CENPW: variants seen among roughly 807,000 people sequenced by gnomAD.
The protein encoded by CENPW is cancer-up-regulated gene 2 protein.
A neutral mutation model predicts 11.1 loss-of-function variants in CENPW; 3 were observed. That is an observed-to-expected ratio of 0.27 (90% CI 0.12 to 0.70). CENPW has a LOEUF of 0.70. CENPW is among the 30% of genes least tolerant of loss of function. The pLI is 0.77. For missense variants in CENPW, 100 were observed against 105.6 expected (o/e 0.95, Z 0.23); for synonymous variants, 38 against 42.0 (o/e 0.91, Z 0.37).
chr6:126,478,934 G>A, the CENPW span, among the ~76,000 whole-genome samples: 3 of 151,982 alleles, frequency 2.0e-5, no homozygotes, highest in African/African-American at 7.2e-5. Context: ...ATTCATTTGT[G>A]AAGAAAGGCC....
the CENPW span, among the ~76,000 whole-genome samples, chr6:126,406,445 TA>T: frequency 3.3e-5 from 5 of 152,324 alleles, no homozygotes; most frequent in South Asian, 1.0e-3. Context: ...TTTCTTTTTT[TA>T]AAATTTGGTT....
At chr6:126,476,543 A>G in the CENPW span, among the ~76,000 whole-genome samples, 1 of 151,902 alleles carries the variant, frequency 6.6e-6, no homozygotes, top group Non-Finnish European at 1.5e-5. Context: ...ATGTCCTTTT[A>G]CTAGAGGAGT....
At chr6:126,373,510 C>T in the CENPW span, among the ~76,000 whole-genome samples, 1 of 152,080 alleles carries the variant, frequency 6.6e-6, no homozygotes, top group African/African-American at 2.4e-5. Flanking sequence ...GCAAGTATTT[C>T]TCATGATTCT....
At chr6:126,345,495 C>T (rs562064937) in intron 1 of CENPW, among the ~76,000 whole-genome samples, 13 of 152,052 alleles carry the variant, frequency 8.5e-5, no homozygotes, top group East Asian at 7.7e-4. Context: ...AAATAGTACA[C>T]GGTTTCCGTG....
At chr6:126,418,452 C>T in the CENPW span, among the ~76,000 whole-genome samples, 9 of 151,988 alleles carry the variant, frequency 5.9e-5, no homozygotes, top group East Asian at 3.9e-4. Context: ...AGCAAAACTA[C>T]GAAGACAATA....
the CENPW span, among the ~76,000 whole-genome samples, chr6:126,427,605 G>C: frequency 6.6e-6 from 1 of 152,086 alleles, no homozygotes; most frequent in Non-Finnish European, 1.5e-5. Flanking sequence ...CAACAAGAAA[G>C]TTTCAGATCA....
the CENPW span, among the ~76,000 whole-genome samples, chr6:126,441,513 G>C: frequency 6.6e-6 from 1 of 151,450 alleles, no homozygotes; most frequent in Non-Finnish European, 1.5e-5. Context: ...TTGGTTACAT[G>C]AATAAGTTTA....
At chr6:126,352,728 G>A (rs1780505269), downstream of CENPW, among the ~76,000 whole-genome samples, 1 of 151,914 alleles carries the variant, frequency 6.6e-6, no homozygotes, top group African/African-American at 2.4e-5. Flanking sequence ...CATCTTATCT[G>A]GTAGTCTTAG....
At chr6:126,455,994 A>G in the CENPW span, among the ~76,000 whole-genome samples, 1 of 150,904 alleles carries the variant, frequency 6.6e-6, no homozygotes, top group Non-Finnish European at 1.5e-5. Context: ...TTAGGAATAT[A>G]TCTAACGAGG....
the CENPW span, among the ~76,000 whole-genome samples, chr6:126,403,602 A>G: frequency 6.6e-6 from 1 of 152,108 alleles, no homozygotes. Context: ...GAAGACTAGC[A>G]TAGGTTGATT....
the CENPW span, among the ~76,000 whole-genome samples, chr6:126,447,683 GT>G: frequency 9.3e-5 from 14 of 151,248 alleles, no homozygotes; most frequent in East Asian, 2.0e-3. Context: ...TATACTTTAT[GT>G]TCCTGATTTC....
At chr6:126,393,264 T>G in the CENPW span, among the ~76,000 whole-genome samples, 2 of 151,898 alleles carry the variant, frequency 1.3e-5, no homozygotes, top group Non-Finnish European at 2.9e-5. Context: ...TATTTGCATT[T>G]TTTTGTTTTA....
intron 2 of CENPW, 117 bp from the exon 3 acceptor site, chr6:126,348,349 G>C (rs1036155242): frequency 5.0e-6 from 3 of 598,722 alleles, no homozygotes; most frequent in Non-Finnish European, 9.0e-6. Context: ...TGGAAAATTG[G>C]GTTTTATAAA....
the CENPW span, among the ~76,000 whole-genome samples, chr6:126,378,493 T>G: frequency 3.9e-5 from 6 of 152,016 alleles, no homozygotes; most frequent in Non-Finnish European, 8.8e-5. Context: ...TAATATTAAC[T>G]TCAATCAATG....
At chr6:126,455,106 A>G in the CENPW span, among the ~76,000 whole-genome samples, 1 of 151,328 alleles carries the variant, frequency 6.6e-6, no homozygotes, top group East Asian at 2.0e-4. Context: ...AAACCCCAGG[A>G]CCAAATGGAT....
chr6:126,346,251 C>G lies in CENPW; in HGVS notation c.173C>G (p.Ser58Cys). The G allele has an allele frequency of 1.2e-6, 2 of 1,608,454 alleles. No homozygotes were observed. The highest frequency in any genetic ancestry group is 1.3e-5 in the African/African-American group (1 of 74,988). Residue 58 changes from serine (S) to cysteine (C), a missense_variant, in exon 2 of 3, where the codon TCC becomes TGC. Transcript: ENST00000368328. ...LLFVHRLAEE[S>C]RTNACASKCR... ...TTTGTTCATCGATTAGCAGAAGAGT[C>G]CAGGACAAACGCTTGTGCGAGTAAA...
chr6:126,361,242 A>T, the CENPW span, among the ~76,000 whole-genome samples: 14 of 152,284 alleles, frequency 9.2e-5, no homozygotes, highest in African/African-American at 3.4e-4. Context: ...GACGCTTAAG[A>T]GTAATTGCGG....
chr6:126,437,407 A>G, the CENPW span, among the ~76,000 whole-genome samples: 1 of 151,958 alleles, frequency 6.6e-6, no homozygotes, highest in Non-Finnish European at 1.5e-5. Context: ...ACTCTGCTGA[A>G]GGCCAAGGCC....
the CENPW span, among the ~76,000 whole-genome samples, chr6:126,410,816 C>T: frequency 7.2e-5 from 11 of 151,766 alleles, no homozygotes; most frequent in Non-Finnish European, 4.4e-5. Context: ...AATTTTTTAG[C>T]TGCAGGCTTT....
Sources: allele counts gnomAD v4.1 joint callset (sites outside exome capture counted in the v4.1 genomes callset), GRCh38; gene constraint gnomAD v4.1.1; transcripts MANE v1.5; gene names NCBI Gene and HGNC (gene_info 2026-07-23, HGNC 2026-07-21).